MAP1B: variants seen among roughly 807,000 people sequenced by gnomAD.
MAP1B encodes microtubule-associated protein 1B.
In MAP1B, 12 loss-of-function variants were observed where a neutral mutation model predicts 176.1. The observed-to-expected ratio is 0.07, with a 90% CI of 0.04 to 0.11. MAP1B has a LOEUF of 0.11. Ranked by LOEUF, MAP1B falls within the 10% of genes least tolerant of loss-of-function variation. The pLI is 1.00. For synonymous variants in MAP1B, 1,044 were observed against 1,135.0 expected, an observed-to-expected ratio of 0.92 and a Z score of 1.61; for missense variants, 2,523 against 2,990.5, an observed-to-expected ratio of 0.84 and a Z score of 3.65.
chr5:72,112,403 T>C (rs1745358855), intron 1 of MAP1B, among the ~76,000 whole-genome samples: 1 of 152,200 alleles, frequency 6.6e-6, no homozygotes, highest in African/African-American at 2.4e-5. Flanking sequence ...GCTTACATGA[T>C]TGGAAAACTT....
rs1342832621 is a variant in MAP1B, at chr5:72,146,821, A to G, written c.286+31022A>G. On this transcript the variant is annotated intron_variant, in intron 2 of 6. Transcript: ENST00000296755. Reference sequence around the variant, plus strand: ...GAGGCAAATGCATTCCATGTACAGGAAGTATGTGCTTTTGACACATAGCAT... The same window carrying G: ...GAGGCAAATGCATTCCATGTACAGGGAGTATGTGCTTTTGACACATAGCAT... 2.0e-5 allele frequency among the ~76,000 whole-genome samples: 3 copies of G among 152,216 alleles called. No individual in the cohort carries two copies. In the East Asian group the frequency reaches 5.8e-4, roughly 29 times the overall value.
chr5:72,165,628 A>G (rs986023363), intron 2 of MAP1B, among the ~76,000 whole-genome samples: 3 of 152,170 alleles, frequency 2.0e-5, no homozygotes, highest in Middle Eastern at 3.2e-3. Flanking sequence ...CATCCACTAA[A>G]TAAGAGGATG....
intron 2 of MAP1B, among the ~76,000 whole-genome samples, chr5:72,148,415 T>C (rs1579995278): frequency 6.6e-6 from 1 of 152,340 alleles, no homozygotes; most frequent in East Asian, 1.9e-4. Flanking sequence ...CCACCTGTCC[T>C]TGATGTTACC....
intron 5 of MAP1B, 116 bp downstream of exon 5, chr5:72,200,483 C>T: frequency 7.8e-7 from 1 of 1,288,600 alleles, no homozygotes; most frequent in South Asian, 1.4e-5. Context: ...ACAATTGATG[C>T]TTTACCTTCC....
rs1029937903 is a variant in MAP1B, at chr5:72,205,508, C to A, written c.*269C>A. ...CTCTGCTGAACATTTGGAAACCATG[C>A]ACTAGCCAACCCAACTGACTTCTGC... On this transcript the variant is annotated 3_prime_UTR_variant, in exon 7 of 7. Coordinates refer to ENST00000296755, the MANE Select transcript of MAP1B (RefSeq NM_005909.5). The A allele has an allele frequency of 1.1e-5, 4 of 366,888 alleles. No homozygotes were observed. The highest frequency in any genetic ancestry group is 6.2e-5 in the African/African-American group (3 of 48,136). 22.7% of individuals were successfully genotyped at this position (366,888 alleles called of 1,614,324 possible). A position where few individuals can be genotyped will look rare whatever the true frequency, so the allele number is the denominator to read the frequency against.
chr5:72,109,051 C>G (rs1035270844), intron 1 of MAP1B, among the ~76,000 whole-genome samples: 23 of 152,296 alleles, frequency 1.5e-4, no homozygotes, highest in African/African-American at 5.5e-4. Flanking sequence ...GTTCCCCACT[C>G]CCCCTCCCCA....
Position 72,179,599 on chromosome 5 carries a change from G to A in MAP1B, c.287-4144G>A, listed in dbSNP as rs183439098. On this transcript the variant is annotated intron_variant, in intron 2 of 6. Transcript: ENST00000296755. ...CCACGGGTATGCCAGGGGTGGGGGC[G>A]CGTCAGGGCCCCTCTGCCAGGCTTG... 18 of 985,346 alleles carry A rather than the reference G, an allele frequency of 1.8e-5. No homozygotes were observed. In the East Asian group the frequency reaches 4.5e-4, roughly 25 times the overall value. The allele number at this position is 985,346 out of a possible 1,614,324, so 61.0% of individuals were successfully genotyped here.
In MAP1B at chr5:72,199,402, G is replaced by A. The variant is rs1747270137; in HGVS notation, c.6047G>A (p.Ser2016Asn). The stretch of plus-strand genomic sequence containing the variant: ...TATGAAACCACTGAGAAAATTACCA[G>A]TTTCCCTGAGTCTGAAGGTTATTCC... ...YSYETTEKITSFPESEGYSYE... is the reference protein window; with the variant it reads ...YSYETTEKITNFPESEGYSYE... Residue 2016 changes from serine (S) to asparagine (N), a missense_variant, in exon 5 of 7, where the codon AGT becomes AAT. Ser to Asn is a conservative substitution (Grantham distance 46). Coordinates refer to ENST00000296755, the MANE Select transcript of MAP1B (RefSeq NM_005909.5). This position sits in a 1 kb window ranked among gnomAD's most constrained non-coding sequence, Gnocchi z 4.2. 1 of 1,614,092 alleles carries A rather than the reference G, an allele frequency of 6.2e-7. No homozygotes were observed. The highest frequency in any genetic ancestry group is 8.5e-7 in the Non-Finnish European group (1 of 1,180,010).
At position 72,128,834 on chromosome 5, in the gene MAP1B, G is replaced by A. The variant is rs74946668; in HGVS notation, c.286+13035G>A. On this transcript the variant is annotated intron_variant, in intron 2 of 6. Transcript: ENST00000296755. ...TTTATATTTTCATTTTTAAATTTTT[G>A]TAGAGACAGGGCCTTGCTAAGTTGC... Among the ~76,000 whole-genome samples the A allele has an allele frequency of 4.0e-3, 603 of 152,224 alleles. 23 individuals carry two copies. The East Asian group carries it at 0.094, about 24-fold the overall frequency.
intron 2 of MAP1B, among the ~76,000 whole-genome samples, chr5:72,144,583 C>T (rs1489362286): frequency 4.0e-5 from 6 of 151,882 alleles, no homozygotes; most frequent in South Asian, 2.1e-4. Flanking sequence ...TTTGTAGAGA[C>T]GAGGTCTTGC....
In MAP1B at chr5:72,186,459, G is replaced by A. The variant is rs1236333881; in HGVS notation, c.370-155G>A. Among the ~76,000 whole-genome samples, 3 of 152,162 alleles carry A rather than the reference G, an allele frequency of 2.0e-5. No homozygotes were observed. Among genetic ancestry groups the A allele is most frequent in the South Asian group, 2.1e-4 (1 of 4,828 alleles). On this transcript the variant is annotated intron_variant, in intron 3 of 6. Transcript: ENST00000296755. The surrounding 1 kb of genome is among the most constrained non-coding windows in gnomAD (Gnocchi z 4.3). ...AGCCAGGGATCCATTCAACCCTCCC[G>A]TGCTCTTCTGGCCTCCAGGAGAAAT...
At chr5:72,112,200 C>T (rs1374553427) in intron 1 of MAP1B, among the ~76,000 whole-genome samples, 2 of 152,160 alleles carry the variant, frequency 1.3e-5, no homozygotes, top group East Asian at 3.8e-4. Flanking sequence ...GCAACTAAAG[C>T]CCATAAAGGA....
rs1464353333 is a variant in MAP1B, at chr5:72,199,605, C to G, written c.6250C>G (p.Leu2084Val). 6.2e-7 allele frequency: 1 copy of G among 1,614,180 alleles called. No homozygotes were observed. The highest frequency in any genetic ancestry group is 1.1e-5 in the South Asian group (1 of 91,074). ...AGCCCGTCAGGATGTCGATTTATGC[C>G]TCGTGTCCTCTTGTGAATACAAGCA... is the stretch of plus-strand genomic sequence containing the variant. ...SEARQDVDLC[L>V]VSSCEYKHPK... is the part of the protein sequence containing the mutation. The change falls in exon 5 of 7, where the codon CTC becomes GTC. Residue 2084 changes from leucine (L) to valine (V), a missense_variant. By Grantham distance (32) the Leu-to-Val change is conservative. Coordinates refer to ENST00000296755, the MANE Select transcript of MAP1B (RefSeq NM_005909.5). This position sits in a 1 kb window ranked among gnomAD's most constrained non-coding sequence, Gnocchi z 4.2.
At chr5:72,183,416 C>A (rs945022598) in intron 2 of MAP1B, among the ~76,000 whole-genome samples, 26 of 152,134 alleles carry the variant, frequency 1.7e-4, no homozygotes, top group Admixed American at 1.7e-3. Flanking sequence ...TCAAGAGCCC[C>A]GTTGAGTTTT....
Position 72,195,395 on chromosome 5 carries a change from G to A in MAP1B, c.2040G>A (p.Val680=). 6.4e-7 allele frequency: 1 copy of A among 1,558,282 alleles called. No homozygotes were observed. Among genetic ancestry groups the A allele is most frequent in the Non-Finnish European group, 8.6e-7 (1 of 1,156,846 alleles). The stretch of plus-strand genomic sequence containing the variant: ...AGGAAAAACCAAAAAAGGAAGAGGT[G>A]AAAAAAGAAGTCAAAAAAGAGATCA... The part of the protein sequence containing the change: ...KKEEKPKKEE[V]KKEVKKEIKK... Residue 680 remains valine (V), a synonymous_variant, in exon 5 of 7, where the codon GTG becomes GTA. Coordinates refer to ENST00000296755, the MANE Select transcript of MAP1B (RefSeq NM_005909.5).
At chr5:72,169,557 G>A (rs937523606) in intron 2 of MAP1B, 2 of 154,420 alleles carry the variant, frequency 1.3e-5, no homozygotes, top group Non-Finnish European at 2.9e-5. Context: ...TGGAGTGAGT[G>A]TTTGTGTGTA....
intron 1 of MAP1B, among the ~76,000 whole-genome samples, chr5:72,114,345 G>C (rs947217959): frequency 1.3e-5 from 2 of 152,092 alleles, no homozygotes. Flanking sequence ...GTAACACACT[G>C]CTATTTATTC....
At chr5:72,133,629 C>A (rs1278956477) in intron 2 of MAP1B, among the ~76,000 whole-genome samples, 1 of 152,146 alleles carries the variant, frequency 6.6e-6, no homozygotes. Context: ...AATTCAGTAG[C>A]TATAAGGCAT....
intron 2 of MAP1B, among the ~76,000 whole-genome samples, chr5:72,160,180 G>A (rs1478255057): frequency 2.0e-5 from 3 of 147,842 alleles, no homozygotes; most frequent in African/African-American, 5.0e-5. Flanking sequence ...ATCAGGGACC[G>A]AGAATAAAGG....
Sources: allele counts gnomAD v4.1 joint callset (sites outside exome capture counted in the v4.1 genomes callset), GRCh38; gene constraint gnomAD v4.1.1; non-coding constraint Gnocchi (gnomAD v3.1); transcripts MANE v1.5; gene names NCBI Gene and HGNC (gene_info 2026-07-23, HGNC 2026-07-21).